The following STON2 variants were observed in gnomAD, a reference collection of about 807,000 sequenced individuals.
STON2 encodes stonin 2, also known as stonin-2.
In STON2, 29 loss-of-function variants were observed where a neutral mutation model predicts 65.7. The observed-to-expected ratio is 0.44, with a 90% CI of 0.33 to 0.60. The LOEUF (loss-of-function observed/expected upper bound fraction) is 0.60. STON2 is among the 20% of genes least tolerant of loss of function. STON2 has a pLI of 0.03. For missense variants in STON2, 1,054 were observed against 1,118.1 expected (o/e 0.94, Z 0.82); for synonymous variants, 404 against 414.2 (o/e 0.98, Z 0.30).
intron 4 of STON2, chr14:81,333,239 T>A: frequency 1.2e-6 from 1 of 826,654 alleles, no homozygotes; most frequent in Middle Eastern, 3.6e-4. Context: ...TTTTCCCGAA[T>A]TTCTGTCTTA....
intron 2 of STON2, among the ~76,000 whole-genome samples, chr14:81,419,022 C>T (rs914219537): frequency 2.7e-5 from 4 of 150,790 alleles, no homozygotes; most frequent in Non-Finnish European, 5.9e-5. Context: ...CTTAAAATCT[C>T]AATAAAACCT....
At chr14:81,362,199 C>CTAT (rs1181189252) in intron 4 of STON2, among the ~76,000 whole-genome samples, 4 of 152,258 alleles carry the variant, frequency 2.6e-5, no homozygotes, top group Admixed American at 6.5e-5. Context: ...CACTACAGCA[C>CTAT]TATTAAACAA....
chr14:81,357,086 A>G (rs1898271765), intron 4 of STON2, among the ~76,000 whole-genome samples: 1 of 152,118 alleles, frequency 6.6e-6, no homozygotes, highest in Non-Finnish European at 1.5e-5. Flanking sequence ...GCATAGCAAA[A>G]GAAACTACCA....
At chr14:81,335,598 CAG>C (rs1254868312) in intron 4 of STON2, among the ~76,000 whole-genome samples, 2 of 152,034 alleles carry the variant, frequency 1.3e-5, no homozygotes, top group Non-Finnish European at 2.9e-5. Context: ...ACAAGGGAGA[CAG>C]AGGAAAGAGC....
intron 3 of STON2, among the ~76,000 whole-genome samples, chr14:81,385,783 A>G (rs773515980): frequency 3.9e-5 from 6 of 152,260 alleles, no homozygotes; most frequent in Non-Finnish European, 8.8e-5. Flanking sequence ...TCTGGAATAA[A>G]GAATAAATTA....
At position 81,306,167 on chromosome 14, in the gene STON2, C is replaced by CTA. The variant is rs1555397650; in HGVS notation, c.742+17848_742+17849dup. On this transcript the variant is annotated intron_variant, in intron 5 of 7. Coordinates refer to ENST00000614646, the MANE Select transcript of STON2 (RefSeq NM_001394390.1). ...GATTCTTTTAAATCTCTCTCTCTCT[C>CTA]TATATATATATATATATACACTCTA... is the stretch of plus-strand genomic sequence containing the variant. 3.6e-4 allele frequency among the ~76,000 whole-genome samples: 47 copies of CTA among 132,346 alleles called. No individual in the cohort carries two copies. The East Asian group carries it at 5.4e-3, about 15-fold the overall frequency. 86.8% of individuals were successfully genotyped at this position (132,346 alleles called of 152,430 possible).
At chr14:81,282,101 G>T (rs890195571) in intron 5 of STON2, among the ~76,000 whole-genome samples, 3 of 152,160 alleles carry the variant, frequency 2.0e-5, no homozygotes, top group Non-Finnish European at 2.9e-5. Flanking sequence ...GGAAATAACA[G>T]GACAAGCATG....
rs754907447 is a variant in STON2 at position 81,277,844 on chromosome 14, GT to G, written c.1637del (p.Asn546ThrfsTer13). 6.2e-7 allele frequency: 1 copy of G among 1,614,196 alleles called. No individual in the cohort carries two copies. Among genetic ancestry groups the G allele is most frequent in the East Asian group, 2.2e-5 (1 of 44,884 alleles). ...TGTGGATTCTGCCATTCTCATCATA[GT>G]TTTGAAGCCGGGGTTCTGAAATCTC... ...CHEISEPRLQNYDENGRIHSL... is the reference protein window; with the variant it reads ...CHEISEPRLQXYDENGRIHSL... On this transcript the variant is annotated frameshift_variant, in exon 6 of 8. Transcript: ENST00000614646. LOFTEE classifies it high-confidence loss of function.
At chr14:81,334,064 C>T (rs895304911) in intron 4 of STON2, among the ~76,000 whole-genome samples, 1 of 152,136 alleles carries the variant, frequency 6.6e-6, no homozygotes, top group Non-Finnish European at 1.5e-5. Context: ...CTTAAGCAAA[C>T]CCAGTGAGAA....
intron 4 of STON2, among the ~76,000 whole-genome samples, chr14:81,359,287 A>G (rs1292296818): frequency 6.6e-6 from 1 of 152,220 alleles, no homozygotes; most frequent in African/African-American, 2.4e-5. Flanking sequence ...ACTCTCAGCC[A>G]ATGGGTCAAA....
chr14:81,385,167 G>C (rs1223038287), intron 3 of STON2, among the ~76,000 whole-genome samples: 1 of 152,212 alleles, frequency 6.6e-6, no homozygotes, highest in African/African-American at 2.4e-5. Flanking sequence ...ATTGTGTTTT[G>C]TATCCCACAC....
At chr14:81,297,646 T>C in intron 5 of STON2, among the ~76,000 whole-genome samples, 1 of 152,210 alleles carries the variant, frequency 6.6e-6, no homozygotes, top group East Asian at 1.9e-4. Flanking sequence ...TGGTAAAAAA[T>C]GACAAGGAGC....
chr14:81,281,072 T>C (rs1178234209), intron 5 of STON2, among the ~76,000 whole-genome samples: 1 of 150,366 alleles, frequency 6.7e-6, no homozygotes, highest in Non-Finnish European at 1.5e-5. Flanking sequence ...CGAGTATGCA[T>C]ATACATATAC....
At chr14:81,366,998 C>A (rs1452895264) in intron 4 of STON2, among the ~76,000 whole-genome samples, 1 of 152,104 alleles carries the variant, frequency 6.6e-6, no homozygotes, top group Non-Finnish European at 1.5e-5. Context: ...GCCCCATAAC[C>A]CCAGGGGGTT....
intron 5 of STON2, among the ~76,000 whole-genome samples, chr14:81,307,886 C>T (rs1341329186): frequency 6.6e-6 from 1 of 152,116 alleles, no homozygotes; most frequent in Non-Finnish European, 1.5e-5. Flanking sequence ...TTCCAGTCAA[C>T]AGTTGGCTAT....
chr14:81,270,236 C>T, intron 7 of STON2: 1 of 421,946 alleles, frequency 2.4e-6, no homozygotes, highest in Non-Finnish European at 3.2e-6. Flanking sequence ...CATGCACAGG[C>T]CACCATGCCC....
intron 2 of STON2, among the ~76,000 whole-genome samples, chr14:81,410,013 T>C (rs377085828): frequency 5.3e-5 from 8 of 152,160 alleles, no homozygotes; most frequent in African/African-American, 1.7e-4. Flanking sequence ...GCTATCCCAA[T>C]GAAGGAGACA....
rs1330301714 is a variant in STON2 at position 81,267,016 on chromosome 14, G to C, written c.*1398C>G. 1.0e-6 allele frequency: 1 copy of C among 985,146 alleles called. No individual in the cohort carries two copies. Among genetic ancestry groups the C allele is most frequent in the Admixed American group, 6.1e-5 (1 of 16,268 alleles). 61.0% of individuals were successfully genotyped at this position (985,146 alleles called of 1,614,324 possible). Reference sequence around the variant, plus strand: ...AATACACATTTAGACTCCAATGATTGTTCATTGAATACATTAATCTTGAAT... The same window carrying C: ...AATACACATTTAGACTCCAATGATTCTTCATTGAATACATTAATCTTGAAT... On this transcript the variant is annotated 3_prime_UTR_variant, in exon 8 of 8. Transcript: ENST00000614646.
chr14:81,261,222 C>T lies in STON2; in HGVS notation c.*7192G>A, dbSNP rs976512022. On this transcript the variant is annotated 3_prime_UTR_variant, in exon 8 of 8. Coordinates refer to ENST00000614646, the MANE Select transcript of STON2 (RefSeq NM_001394390.1). ...TTCCCACAATGCTCTGGTAGAATAC[C>T]ACTGGGGTTGCTGATCCAAAGCACA... The T allele has an allele frequency of 6.6e-6, 1 of 152,172 alleles. No homozygotes were observed. Among genetic ancestry groups the T allele is most frequent in the Non-Finnish European group, 1.5e-5 (1 of 68,098 alleles). The allele number at this position is 152,172 out of a possible 1,614,324, so 9.4% of individuals were successfully genotyped here. A position where few individuals can be genotyped will look rare whatever the true frequency, so the allele number is the denominator to read the frequency against.
Sources: gnomAD v4.1 joint callset for allele counts (sites outside exome capture counted in the v4.1 genomes callset) on GRCh38, gnomAD v4.1.1 for gene constraint, MANE v1.5 for transcripts, NCBI Gene and HGNC (gene_info 2026-07-23, HGNC 2026-07-21) for gene names.